The following DCDC1 variants were observed in gnomAD, a reference collection of about 807,000 sequenced individuals.
DCDC1 encodes doublecortin domain-containing protein 1.
In DCDC1, 200 loss-of-function variants were observed where a neutral mutation model predicts 178.3. The ratio of observed to expected loss-of-function variants is 1.12; its 90% CI spans 1.00 to 1.26. DCDC1 has a LOEUF of 1.26. Ranked by LOEUF, DCDC1 falls within the 50% of genes most tolerant of loss-of-function variation. The pLI is 0.00. For synonymous variants in DCDC1, 690 were observed against 604.8 expected, an observed-to-expected ratio of 1.14 and a Z score of -2.07; for missense variants, 1,983 against 1,749.2, an observed-to-expected ratio of 1.13 and a Z score of -2.38.
intron 20 of DCDC1, among the ~76,000 whole-genome samples, chr11:30,999,768 A>C (rs942629707): frequency 2.4e-4 from 36 of 152,236 alleles, no homozygotes; most frequent in Admixed American, 2.2e-3. Flanking sequence ...TTAAGAAAAT[A>C]TAAACCTCAA....
At chr11:30,904,744 A>C in intron 31 of DCDC1, 1 of 589,628 alleles carries the variant, frequency 1.7e-6, no homozygotes. Context: ...CAATCTAAAA[A>C]CTGAATTCTG....
intron 7 of DCDC1, among the ~76,000 whole-genome samples, chr11:31,285,359 A>G (rs1322355864): frequency 6.6e-6 from 1 of 152,164 alleles, no homozygotes; most frequent in Non-Finnish European, 1.5e-5. Context: ...CTCTTTAAAG[A>G]AGTTCCAACA....
intron 11 of DCDC1, among the ~76,000 whole-genome samples, chr11:31,114,861 CA>C (rs1447693025): frequency 2.0e-5 from 3 of 152,090 alleles, no homozygotes; most frequent in Non-Finnish European, 4.4e-5. Context: ...GAGGCAAAGG[CA>C]ATCCGAAGCC....
chr11:31,276,163 AT>A (rs1945972420), intron 7 of DCDC1, among the ~76,000 whole-genome samples: 1 of 152,114 alleles, frequency 6.6e-6, no homozygotes, highest in Non-Finnish European at 1.5e-5. Context: ...AGAAAAATAC[AT>A]TTTTTGGTCC....
At chr11:30,996,326 T>A (rs562392967) in intron 20 of DCDC1, among the ~76,000 whole-genome samples, 1 of 152,304 alleles carries the variant, frequency 6.6e-6, no homozygotes, top group East Asian at 1.9e-4. Flanking sequence ...GGAGCTTTCA[T>A]TCATTTTTGA....
chr11:31,091,657 TAGCAGTCAGCG>T (rs1371601382), intron 16 of DCDC1, 146 bp from the exon 17 acceptor site: 44 of 598,514 alleles, frequency 7.4e-5, no homozygotes, highest in African/African-American at 7.0e-4. Context: ...ACCCACAACT[TAGCAGTCAGCG>T]AGCCCTGCTC....
Position 31,256,642 on chromosome 11 carries a change from C to G in DCDC1, c.1054+8865G>C, listed in dbSNP as rs1339736339. Among the ~76,000 whole-genome samples the G allele has an allele frequency of 2.0e-5, 3 of 152,102 alleles. No homozygotes were observed. In the East Asian group the frequency reaches 5.8e-4, roughly 29 times the overall value. On this transcript the variant is annotated intron_variant, in intron 8 of 38. Transcript: ENST00000684477. ...AGATTTGTTTGTTTGCCTTTAACTT[C>G]AGCGGTGTCTAGCTGCCTATATTGG...
At chr11:31,004,258 T>TAA (rs1951722297) in intron 20 of DCDC1, among the ~76,000 whole-genome samples, 1 of 152,152 alleles carries the variant, frequency 6.6e-6, no homozygotes, top group Admixed American at 6.5e-5. Flanking sequence ...GTACAAACAC[T>TAA]TTTCAATTAT....
intron 3 of DCDC1, among the ~76,000 whole-genome samples, chr11:31,321,629 C>T (rs1404279714): frequency 6.6e-6 from 1 of 150,996 alleles, no homozygotes; most frequent in Non-Finnish European, 1.5e-5. Context: ...GTCGCTCACG[C>T]TGGGAGCTGT....
intron 9 of DCDC1, among the ~76,000 whole-genome samples, chr11:31,139,184 T>G (rs1963524694): frequency 6.6e-6 from 1 of 152,122 alleles, no homozygotes; most frequent in Non-Finnish European, 1.5e-5. Flanking sequence ...TATATATATG[T>G]ATATGAGCAT....
intron 32 of DCDC1, among the ~76,000 whole-genome samples, chr11:30,900,913 TA>T (rs996992985): frequency 2.1e-4 from 32 of 152,272 alleles, no homozygotes; most frequent in Non-Finnish European, 4.3e-4. Context: ...TTTCTTTTTT[TA>T]AAAGAACAAA....
intron 9 of DCDC1, among the ~76,000 whole-genome samples, chr11:31,153,819 A>ACACAC (rs1565356578): frequency 1.3e-4 from 6 of 45,776 alleles, no homozygotes; most frequent in African/African-American, 8.6e-4. Context: ...CACACACACA[A>ACACAC]TTACCATAAC....
At chr11:30,886,218 T>C (rs754903392) in intron 36 of DCDC1, among the ~76,000 whole-genome samples, 4 of 152,154 alleles carry the variant, frequency 2.6e-5, no homozygotes, top group Non-Finnish European at 5.9e-5. Context: ...GGTGCTTTTA[T>C]CCTTTTTCTA....
chr11:31,287,812 A>G (rs576621409), intron 7 of DCDC1, among the ~76,000 whole-genome samples: 6 of 152,050 alleles, frequency 3.9e-5, no homozygotes, highest in Admixed American at 6.6e-5. Context: ...AACAAAGGAG[A>G]GAGAGAACGA....
chr11:30,900,281 C>T (rs1590284023), intron 33 of DCDC1, 65 bp downstream of exon 33: 1 of 1,289,220 alleles, frequency 7.8e-7, no homozygotes, highest in South Asian at 2.0e-5. Context: ...CTTATGATGG[C>T]ATAAAATGTA....
At chr11:31,244,273 A>C (rs1039160872) in intron 8 of DCDC1, among the ~76,000 whole-genome samples, 12 of 151,750 alleles carry the variant, frequency 7.9e-5, no homozygotes, top group African/African-American at 2.9e-4. Context: ...ACCTCAACCC[A>C]TAGATTTTAA....
intron 3 of DCDC1, among the ~76,000 whole-genome samples, chr11:31,325,056 T>TTA: frequency 6.6e-6 from 1 of 152,302 alleles, no homozygotes; most frequent in East Asian, 1.9e-4. Flanking sequence ...ATAAAAATCA[T>TTA]TAAATCACAT....
chr11:31,076,255 T>G (rs1565252136), intron 18 of DCDC1, among the ~76,000 whole-genome samples: 1 of 152,208 alleles, frequency 6.6e-6, no homozygotes. Flanking sequence ...TTCTTCTTCT[T>G]GATCTAGTCT....
At chr11:31,345,681 T>C (rs557124089) in intron 1 of DCDC1, among the ~76,000 whole-genome samples, 1 of 152,314 alleles carries the variant, frequency 6.6e-6, no homozygotes, top group East Asian at 1.9e-4. Flanking sequence ...ATTCTCATCA[T>C]TCGTCTTTGG....
Sources: allele counts gnomAD v4.1 joint callset (sites outside exome capture counted in the v4.1 genomes callset), GRCh38; gene constraint gnomAD v4.1.1; transcripts MANE v1.5; gene names NCBI Gene and HGNC (gene_info 2026-07-23, HGNC 2026-07-21).